The following ZYX variants were observed in gnomAD, a reference collection of about 807,000 sequenced individuals.
The protein encoded by ZYX is zyxin-2.
ZYX carries 37 observed loss-of-function variants against 58.1 expected under a neutral mutation model. The observed-to-expected ratio is 0.64, with a 90% confidence interval of 0.49 to 0.84. The LOEUF is 0.84. Ranked by LOEUF, ZYX falls within the 40% of genes least tolerant of loss-of-function variation. The pLI, the probability that ZYX is intolerant of heterozygous loss-of-function variation, is 0.00. For missense variants in ZYX, 762 were observed against 761.6 expected, an observed-to-expected ratio of 1.00 and a Z score of -0.01; for synonymous variants, 324 against 321.1, an observed-to-expected ratio of 1.01 and a Z score of -0.10.
chr7:143,388,013 A>G lies in ZYX; in HGVS notation c.1024-206A>G. ...GGAAATGTCTTGCTGTACGAGATCCAGGCTTAGGTCCCTTCCCCTGTTATT... is the reference window on the plus strand; with the variant it reads ...GGAAATGTCTTGCTGTACGAGATCCGGGCTTAGGTCCCTTCCCCTGTTATT... On this transcript the variant is annotated intron_variant, in intron 5 of 9. Coordinates refer to ENST00000322764, the MANE Select transcript of ZYX (RefSeq NM_003461.5). This position sits in a 1 kb window ranked among gnomAD's most constrained non-coding sequence, Gnocchi z 7.5. 1.6e-6 allele frequency: 1 copy of G among 633,430 alleles called. No individual in the cohort carries two copies. The highest frequency in any genetic ancestry group is 2.9e-5 in the East Asian group (1 of 34,642). 39.2% of individuals were successfully genotyped at this position (633,430 alleles called of 1,614,324 possible).
rs922130651 is a variant in ZYX, at chr7:143,385,443, C to T, written c.1023+2121C>T. ...TGTGTGAGCATGAATGTATGAGTGG[C>T]GTGTGATGTGTGTAGTGTGATTGTG... On this transcript the variant is annotated intron_variant, in intron 5 of 9. Transcript: ENST00000322764. Among the ~76,000 whole-genome samples, 4 of 150,498 alleles carry T rather than the reference C, an allele frequency of 2.7e-5. No individual in the cohort carries two copies. The South Asian group carries it at 8.4e-4, about 32-fold the overall frequency.
chr7:143,383,853 C>T (rs1804760848), intron 5 of ZYX, among the ~76,000 whole-genome samples: 1 of 152,210 alleles, frequency 6.6e-6, no homozygotes, highest in Non-Finnish European at 1.5e-5. Context: ...GAAGCTCAGC[C>T]TTCAGGTGTC....
At position 143,389,230 on chromosome 7, in the gene ZYX, C is replaced by T. The variant is rs1304451284; in HGVS notation, c.1493+285C>T. 6.6e-6 allele frequency among the ~76,000 whole-genome samples: 1 copy of T among 152,226 alleles called. No individual in the cohort carries two copies. Among genetic ancestry groups the T allele is most frequent in the Non-Finnish European group, 1.5e-5 (1 of 68,038 alleles). ...GTGAAGTGTGCTGGAGTGACTTCAT[C>T]TCACACACAGGCTGGGTTCTAAAAG... On this transcript the variant is annotated intron_variant, in intron 8 of 9. Transcript: ENST00000322764. The surrounding 1 kb of genome is among the most constrained non-coding windows in gnomAD (Gnocchi z 5.6).
intron 5 of ZYX, among the ~76,000 whole-genome samples, chr7:143,385,630 T>G (rs573121327): frequency 6.9e-6 from 1 of 145,768 alleles, no homozygotes; most frequent in Non-Finnish European, 1.5e-5. Flanking sequence ...TATATGTGAG[T>G]GGTGTGTGTG....
Position 143,384,742 on chromosome 7 carries a change from A to AG in ZYX, c.1023+1423dup, listed in dbSNP as rs1187999111. On this transcript the variant is annotated intron_variant, in intron 5 of 9. Transcript: ENST00000322764. This position sits in a 1 kb window ranked among gnomAD's most constrained non-coding sequence, Gnocchi z 4.9. The stretch of plus-strand genomic sequence containing the variant: ...ATTGGAAGACAAGGGTGAGGGGAAG[A>AG]GGGAAAAAAAAGTCTCCAGCACGAT... 1.3e-5 allele frequency among the ~76,000 whole-genome samples: 2 copies of AG among 152,128 alleles called. No homozygotes were observed. The highest frequency in any genetic ancestry group is 4.8e-5 in the African/African-American group (2 of 41,496).
rs534313847 is a variant in ZYX, at chr7:143,384,280, C to G, written c.1023+958C>G. On this transcript the variant is annotated intron_variant, in intron 5 of 9. Coordinates refer to ENST00000322764, the MANE Select transcript of ZYX (RefSeq NM_003461.5). This position sits in a 1 kb window ranked among gnomAD's most constrained non-coding sequence, Gnocchi z 4.9. ...AGGCACTCAGACCAGGGAGTCAACT[C>G]GGGGAGTCAAATTAGGAAAGGCTTC... is the stretch of plus-strand genomic sequence containing the variant. The G allele has an allele frequency of 2.1e-6, 1 of 470,818 alleles. No homozygotes were observed. Among genetic ancestry groups the G allele is most frequent in the African/African-American group, 2.0e-5 (1 of 49,954 alleles). The allele number at this position is 470,818 out of a possible 1,614,324, so 29.2% of individuals were successfully genotyped here.
chr7:143,383,438 G>T (rs1804735436), intron 5 of ZYX, 116 bp downstream of exon 5: 1 of 1,310,684 alleles, frequency 7.6e-7, no homozygotes, highest in African/African-American at 1.5e-5. Context: ...GGGGGTTGCG[G>T]GGTGGCGGGA....
At position 143,387,668 on chromosome 7, in the gene ZYX, A is replaced by G; in HGVS notation, c.1024-551A>G. ...TTCAGAGGCCCCTCACTCGAGGGAC[A>G]GGGTCTCTGTGTGGGGGTGGGGCTG... On this transcript the variant is annotated intron_variant, in intron 5 of 9. Coordinates refer to ENST00000322764, the MANE Select transcript of ZYX (RefSeq NM_003461.5). The surrounding 1 kb of genome is among the most constrained non-coding windows in gnomAD (Gnocchi z 5.8). 2.1e-6 allele frequency: 1 copy of G among 470,618 alleles called. No individual in the cohort carries two copies. Among genetic ancestry groups the G allele is most frequent in the South Asian group, 1.5e-5 (1 of 64,538 alleles). The allele number at this position is 470,618 out of a possible 1,614,324, so 29.2% of individuals were successfully genotyped here.
In ZYX at chr7:143,381,542, G is replaced by C. The variant is rs745310903; in HGVS notation, c.-15-15G>C. The C allele has an allele frequency of 1.3e-6, 2 of 1,599,102 alleles. No individual in the cohort carries two copies. The highest frequency in any genetic ancestry group is 4.5e-5 in the East Asian group (2 of 44,198). ...AGCCCGGCTCCGCGCTGCGTAACCC[G>C]GCGACCCACCCCAGCAGCCCGGCCC... is the stretch of plus-strand genomic sequence containing the variant. On this transcript the variant is annotated splice_polypyrimidine_tract_variant and intron_variant, in intron 1 of 9. Transcript: ENST00000322764.
At chr7:143,383,876 A>G (rs1804761428) in intron 5 of ZYX, among the ~76,000 whole-genome samples, 2 of 152,188 alleles carry the variant, frequency 1.3e-5, no homozygotes, top group African/African-American at 4.8e-5. Context: ...ATGGACCTGG[A>G]ATGGAATTCT....
In ZYX at chr7:143,390,875, G is replaced by A. The variant is rs764852838; in HGVS notation, c.*193G>A. ...ATGCAGGATCCCCGCCCTGGGGTCTGGTCCTCGCCCATCCTGCAGGGATTG... is the reference window on the plus strand; with the variant it reads ...ATGCAGGATCCCCGCCCTGGGGTCTAGTCCTCGCCCATCCTGCAGGGATTG... On this transcript the variant is annotated 3_prime_UTR_variant, in exon 10 of 10. Transcript: ENST00000322764. This position sits in a 1 kb window ranked among gnomAD's most constrained non-coding sequence, Gnocchi z 4.3. The A allele has an allele frequency of 8.0e-5, 46 of 576,760 alleles. No individual in the cohort carries two copies. Among genetic ancestry groups the A allele is most frequent in the Non-Finnish European group, 1.3e-4 (43 of 319,758 alleles). The allele number at this position is 576,760 out of a possible 1,614,324, so 35.7% of individuals were successfully genotyped here. A position where few individuals can be genotyped will look rare whatever the true frequency, so the allele number is the denominator to read the frequency against.
chr7:143,389,909 G>A lies in ZYX; in HGVS notation c.1546G>A (p.Gly516Ser). The change falls in exon 9 of 10, where the codon GGC (glycine) becomes AGC (serine). Residue 516 changes from glycine (G) to serine (S), a missense_variant. Coordinates refer to ENST00000322764, the MANE Select transcript of ZYX (RefSeq NM_003461.5). This position sits in a 1 kb window ranked among gnomAD's most constrained non-coding sequence, Gnocchi z 5.6. Reference sequence around the variant, plus strand: ...CTCTGAGCCCATCATGCCTGAGCCTGGCCGAGATGAGACTGTGCGAGTGGT... The same window carrying A: ...CTCTGAGCCCATCATGCCTGAGCCTAGCCGAGATGAGACTGTGCGAGTGGT... Reference protein sequence around the residue: ...VCSEPIMPEPGRDETVRVVAL... With the variant: ...VCSEPIMPEPSRDETVRVVAL... The A allele has an allele frequency of 6.2e-7, 1 of 1,614,208 alleles. No individual in the cohort carries two copies. Among genetic ancestry groups the A allele is most frequent in the Non-Finnish European group, 8.5e-7 (1 of 1,180,028 alleles).
Position 143,383,067 on chromosome 7 carries a change from A to G in ZYX, c.768A>G (p.Pro256=). 1 of 1,614,098 alleles carries G rather than the reference A, an allele frequency of 6.2e-7. No individual in the cohort carries two copies. The change falls in exon 5 of 10, where the codon CCA becomes CCG. Residue 256 remains proline (P), a synonymous_variant. Coordinates refer to ENST00000322764, the MANE Select transcript of ZYX (RefSeq NM_003461.5). ...CTAACACCCAGCCCCGAGGGCCCCC[A>G]GCCTCATCTCCGGCTCCAGCCCCTA... The part of the protein sequence containing the change: ...SLANTQPRGP[P]ASSPAPAPKF...
chr7:143,389,014 C>G lies in ZYX; in HGVS notation c.1493+69C>G. The stretch of plus-strand genomic sequence containing the variant: ...TCTGGTAGCCCGGCTGCTTGCTACC[C>G]TAGCCTCAGGACAGCCCCAAACCCC... On this transcript the variant is annotated intron_variant, in intron 8 of 9. Transcript: ENST00000322764. This position sits in a 1 kb window ranked among gnomAD's most constrained non-coding sequence, Gnocchi z 5.6. 6.5e-7 allele frequency: 1 copy of G among 1,535,594 alleles called. No individual in the cohort carries two copies. The highest frequency in any genetic ancestry group is 8.8e-7 in the Non-Finnish European group (1 of 1,137,292).
intron 2 of ZYX, chr7:143,381,983 A>T (rs934308514): frequency 1.6e-6 from 1 of 630,262 alleles, no homozygotes; most frequent in Non-Finnish European, 2.7e-6. Flanking sequence ...CCCGCCTGGG[A>T]GTGGGAGTCG....
chr7:143,382,424 GC>G lies in ZYX; in HGVS notation c.390del (p.Ile131TyrfsTer11). 6.3e-7 allele frequency: 1 copy of G among 1,585,106 alleles called. No individual in the cohort carries two copies. The highest frequency in any genetic ancestry group is 8.6e-7 in the Non-Finnish European group (1 of 1,167,236). On this transcript the variant is annotated frameshift_variant, in exon 3 of 10. Coordinates refer to ENST00000322764, the MANE Select transcript of ZYX (RefSeq NM_003461.5). LOFTEE classifies it high-confidence loss of function. ...TCCGGAGGAGGAGGGAGGGCCTGAG[GC>G]CCCCATACCGCCCCCACCACAGGTA... ...PPPEEEGGPEAPIPPPPQPRE... is the reference protein window; with the variant it reads ...PPPEEEGGPEXPIPPPPQPRE...
intron 5 of ZYX, chr7:143,383,967 T>A: frequency 3.5e-6 from 1 of 285,962 alleles, no homozygotes; most frequent in South Asian, 2.9e-5. Flanking sequence ...TAACATTCTC[T>A]ACTCCATACA....
intron 5 of ZYX, among the ~76,000 whole-genome samples, chr7:143,385,045 C>T (rs1338411489): frequency 1.3e-5 from 2 of 151,982 alleles, no homozygotes; most frequent in Non-Finnish European, 2.9e-5. Context: ...GTGCAGACAG[C>T]GGGGACCAGG....
rs1167867907 is a variant in ZYX, at chr7:143,382,333, C to G, written c.294C>G (p.Pro98=). 3 of 1,607,400 alleles carry G rather than the reference C, an allele frequency of 1.9e-6. No homozygotes were observed. Among genetic ancestry groups the G allele is most frequent in the Non-Finnish European group, 1.7e-6 (2 of 1,176,212 alleles). The change falls in exon 3 of 10, where the codon CCC becomes CCG. Residue 98 remains proline, a synonymous_variant. Transcript: ENST00000322764. ...GAGGTGCCTTCCCGCCGCCCCCTCCCCCGATCGAGGAATCATTTCCCCCTG... is the reference window on the plus strand; with the variant it reads ...GAGGTGCCTTCCCGCCGCCCCCTCCGCCGATCGAGGAATCATTTCCCCCTG... ...ALGGAFPPPP[P]PIEESFPPAP... is the part of the protein sequence containing the mutation.
Sources: allele counts gnomAD v4.1 joint callset (sites outside exome capture counted in the v4.1 genomes callset), GRCh38; gene constraint gnomAD v4.1.1; non-coding constraint Gnocchi (gnomAD v3.1); transcripts MANE v1.5; gene names NCBI Gene and HGNC (gene_info 2026-07-23, HGNC 2026-07-21).